The following HS6ST3 variants were observed in gnomAD, a reference collection of about 807,000 sequenced individuals.
The protein encoded by HS6ST3 is heparan-sulfate 6-O-sulfotransferase 3.
HS6ST3 carries 12 observed loss-of-function variants against 36.7 expected under a neutral mutation model. That is an observed-to-expected ratio of 0.33 (90% CI 0.21 to 0.53). The LOEUF (loss-of-function observed/expected upper bound fraction) is 0.53. Among genes scored for constraint, HS6ST3 ranks in the 20% least tolerant of loss-of-function variants. The pLI, the probability that HS6ST3 is intolerant of heterozygous loss-of-function variation, is 0.95. For missense variants in HS6ST3, 584 were observed against 640.9 expected, an observed-to-expected ratio of 0.91 and a Z score of 0.96; for synonymous variants, 240 against 257.5, an observed-to-expected ratio of 0.93 and a Z score of 0.65.
intron 1 of HS6ST3, among the ~76,000 whole-genome samples, chr13:96,742,539 C>T (rs909658043): frequency 6.6e-6 from 1 of 152,036 alleles, no homozygotes; most frequent in African/African-American, 2.4e-5. Flanking sequence ...GAGGCCACTA[C>T]AGTGAAGTTA....
At position 96,419,790 on chromosome 13, in the gene HS6ST3, C is replaced by T. The variant is rs116682005; in HGVS notation, c.707+328221C>T. Among the ~76,000 whole-genome samples the T allele has an allele frequency of 8.4e-3, 1,275 of 152,222 alleles. 21 individuals carry two copies. Among genetic ancestry groups the T allele is most frequent in the African/African-American group, 0.029 (1,219 of 41,532 alleles). On this transcript the variant is annotated intron_variant, in intron 1 of 1. Coordinates refer to ENST00000376705, the MANE Select transcript of HS6ST3 (RefSeq NM_153456.4). ...ATCACTCCAGTCTCTGCCTCCATCA[C>T]GCATAGTCGTCTTCTCCTCGTGTTT...
chr13:96,688,081 G>GA (rs1874835666), intron 1 of HS6ST3, among the ~76,000 whole-genome samples: 2 of 5,358 alleles, frequency 3.7e-4, no homozygotes, highest in East Asian at 0.025. Flanking sequence ...TGGAATGGGG[G>GA]GGGGGGAGGG....
intron 1 of HS6ST3, among the ~76,000 whole-genome samples, chr13:96,665,261 C>T (rs1195105593): frequency 1.3e-5 from 2 of 152,136 alleles, no homozygotes; most frequent in African/African-American, 4.8e-5. Flanking sequence ...TTCATGCATT[C>T]ATTGATGTAT....
At chr13:96,564,028 A>G (rs1258525114) in intron 1 of HS6ST3, among the ~76,000 whole-genome samples, 1 of 152,164 alleles carries the variant, frequency 6.6e-6, no homozygotes, top group Non-Finnish European at 1.5e-5. Context: ...TACCTACTTT[A>G]TGACCTTACT....
intron 1 of HS6ST3, among the ~76,000 whole-genome samples, chr13:96,317,524 G>C (rs1041060973): frequency 6.6e-6 from 1 of 151,070 alleles, no homozygotes; most frequent in Non-Finnish European, 1.5e-5. Flanking sequence ...CAATGAATGT[G>C]AGGGCATGTG....
intron 1 of HS6ST3, among the ~76,000 whole-genome samples, chr13:96,224,416 G>A (rs2054470574): frequency 6.6e-6 from 1 of 152,072 alleles, no homozygotes; most frequent in South Asian, 2.1e-4. Flanking sequence ...CGACCTCCTG[G>A]GCTCAAGTGA....
At chr13:96,259,171 T>C (rs536060900) in intron 1 of HS6ST3, among the ~76,000 whole-genome samples, 1 of 152,242 alleles carries the variant, frequency 6.6e-6, no homozygotes, top group Admixed American at 6.5e-5. Context: ...TGTTTGTGTG[T>C]CCGTGTATGT....
rs570616304 is a variant in HS6ST3 at position 96,232,241 on chromosome 13, G to A, written c.707+140672G>A. On this transcript the variant is annotated intron_variant, in intron 1 of 1. Coordinates refer to ENST00000376705, the MANE Select transcript of HS6ST3 (RefSeq NM_153456.4). ...TGACACAGTTCAACAGTGGCTATCA[G>A]TGTGGTTGTTAAGTAGGTGTTGGGA... Among the ~76,000 whole-genome samples the A allele has an allele frequency of 1.4e-3, 210 of 152,340 alleles. 1 individual carries two copies. Among genetic ancestry groups the A allele is most frequent in the Admixed American group, 2.3e-3 (35 of 15,300 alleles).
At chr13:96,646,161 G>A (rs2056587888) in intron 1 of HS6ST3, among the ~76,000 whole-genome samples, 1 of 152,008 alleles carries the variant, frequency 6.6e-6, no homozygotes, top group Non-Finnish European at 1.5e-5. Context: ...TTGTGATTAT[G>A]AACTGCTGAA....
chr13:96,223,246 G>A (rs889073137), intron 1 of HS6ST3, among the ~76,000 whole-genome samples: 3 of 152,214 alleles, frequency 2.0e-5, no homozygotes, highest in African/African-American at 7.2e-5. Context: ...AGCAGAGTGG[G>A]ACAGGAAGGA....
At chr13:96,669,246 G>A (rs773256574) in intron 1 of HS6ST3, among the ~76,000 whole-genome samples, 1 of 152,154 alleles carries the variant, frequency 6.6e-6, no homozygotes, top group Non-Finnish European at 1.5e-5. Context: ...ATGGTGACTG[G>A]TTTAATGTTA....
chr13:96,150,957 A>G (rs2054081984), intron 1 of HS6ST3, among the ~76,000 whole-genome samples: 2 of 152,188 alleles, frequency 1.3e-5, no homozygotes, highest in African/African-American at 4.8e-5. Context: ...GGAAATGTGG[A>G]TGGCAAATCT....
At chr13:96,290,787 G>C (rs925417355) in intron 1 of HS6ST3, among the ~76,000 whole-genome samples, 2 of 152,122 alleles carry the variant, frequency 1.3e-5, no homozygotes, top group Admixed American at 1.3e-4. Context: ...TCCTTAAAAT[G>C]ACCTGTAAAG....
chr13:96,515,616 C>T (rs2056069267), intron 1 of HS6ST3, among the ~76,000 whole-genome samples: 1 of 152,160 alleles, frequency 6.6e-6, no homozygotes, highest in African/African-American at 2.4e-5. Context: ...TTGTAATCCC[C>T]ATAATCCCCA....
intron 1 of HS6ST3, among the ~76,000 whole-genome samples, chr13:96,142,956 T>G (rs2054039354): frequency 6.6e-6 from 1 of 152,170 alleles, no homozygotes; most frequent in Non-Finnish European, 1.5e-5. Flanking sequence ...AGCTTAATTG[T>G]ATTTAAAAAT....
intron 1 of HS6ST3, among the ~76,000 whole-genome samples, chr13:96,377,250 GAGGC>G (rs2055319334): frequency 6.6e-6 from 1 of 151,554 alleles, no homozygotes; most frequent in African/African-American, 2.4e-5. Flanking sequence ...AGCTACTTGG[GAGGC>G]TTAGGTGGGA....
chr13:96,628,695 A>C lies in HS6ST3; in HGVS notation c.708-203795A>C, dbSNP rs543259996. ...ATATAATTCTAAAATCACTATGTCT[A>C]ACTGGTTAAACTTTTTAATCACTTT... On this transcript the variant is annotated intron_variant, in intron 1 of 1. Transcript: ENST00000376705. Among the ~76,000 whole-genome samples the C allele has an allele frequency of 3.4e-3, 525 of 152,208 alleles. 3 individuals carry two copies. Among genetic ancestry groups the C allele is most frequent in the Middle Eastern group, 6.8e-3 (2 of 294 alleles).
intron 1 of HS6ST3, among the ~76,000 whole-genome samples, chr13:96,643,977 G>A (rs1266926133): frequency 6.6e-6 from 1 of 151,866 alleles, no homozygotes; most frequent in South Asian, 2.1e-4. Context: ...TTAATGGCTA[G>A]AGTTATAAAA....
intron 1 of HS6ST3, among the ~76,000 whole-genome samples, chr13:96,553,287 G>A (rs1159560523): frequency 6.6e-6 from 1 of 152,184 alleles, no homozygotes; most frequent in Non-Finnish European, 1.5e-5. Flanking sequence ...CAAAGGCATT[G>A]TGTTACATCC....
Sources: gnomAD v4.1 joint callset for allele counts (sites outside exome capture counted in the v4.1 genomes callset) on GRCh38, gnomAD v4.1.1 for gene constraint, MANE v1.5 for transcripts, NCBI Gene and HGNC (gene_info 2026-07-23, HGNC 2026-07-21) for gene names.